NELL1: variants seen among roughly 807,000 people sequenced by gnomAD.
NELL1 encodes protein kinase C-binding protein NELL1.
In NELL1, 76 loss-of-function variants were observed where a neutral mutation model predicts 107.4. That is an observed-to-expected ratio of 0.71 (90% confidence interval 0.59 to 0.86). NELL1 has a LOEUF of 0.86. NELL1 is among the 40% of genes least tolerant of loss of function. The pLI, the probability that NELL1 is intolerant of heterozygous loss-of-function variation, is 0.00. For missense variants in NELL1, 1,024 were observed against 1,005.5 expected (o/e 1.02, Z -0.25); for synonymous variants, 353 against 341.2 (o/e 1.03, Z -0.38).
intron 13 of NELL1, among the ~76,000 whole-genome samples, chr11:21,226,901 TG>T (rs1857907751): frequency 6.6e-6 from 1 of 152,172 alleles, no homozygotes; most frequent in African/African-American, 2.4e-5. Context: ...GAGAGAGTAT[TG>T]TGGGTCAACG....
chr11:20,777,386 A>G (rs1856770879), intron 2 of NELL1, among the ~76,000 whole-genome samples: 1 of 152,298 alleles, frequency 6.6e-6, no homozygotes, highest in East Asian at 1.9e-4. Context: ...GGTTTAATGG[A>G]ATATTATTGT....
intron 12 of NELL1, among the ~76,000 whole-genome samples, chr11:21,071,535 A>G (rs766649427): frequency 3.3e-5 from 5 of 152,246 alleles, no homozygotes; most frequent in Non-Finnish European, 7.3e-5. Flanking sequence ...GTTTAAAATG[A>G]CATTTCCGAA....
At chr11:20,765,759 A>G (rs1856516500) in intron 2 of NELL1, among the ~76,000 whole-genome samples, 1 of 152,162 alleles carries the variant, frequency 6.6e-6, no homozygotes, top group Non-Finnish European at 1.5e-5. Flanking sequence ...TACATTGTGT[A>G]GAGTTTTGTT....
chr11:21,179,243 G>A (rs1181153023), intron 13 of NELL1, among the ~76,000 whole-genome samples: 24 of 151,918 alleles, frequency 1.6e-4, no homozygotes, highest in Admixed American at 1.6e-3. Context: ...AGTGAAGAGA[G>A]AATATTTTAG....
At chr11:21,478,364 C>T (rs1854402403) in intron 15 of NELL1, among the ~76,000 whole-genome samples, 2 of 152,140 alleles carry the variant, frequency 1.3e-5, no homozygotes, top group African/African-American at 2.4e-5. Context: ...TCCCAAATCT[C>T]ATGTCCTTTT....
intron 12 of NELL1, among the ~76,000 whole-genome samples, chr11:20,964,434 C>G (rs1005688351): frequency 1.8e-4 from 27 of 152,178 alleles, no homozygotes; most frequent in African/African-American, 6.3e-4. Flanking sequence ...AATGATAATA[C>G]CTTTTACTTG....
intron 15 of NELL1, among the ~76,000 whole-genome samples, chr11:21,449,876 C>T (rs2133856282): frequency 6.6e-6 from 1 of 152,278 alleles, no homozygotes; most frequent in Admixed American, 6.5e-5. Context: ...ATAAGTAAAT[C>T]TATTTCTGGA....
intron 2 of NELL1, among the ~76,000 whole-genome samples, chr11:20,766,628 A>G (rs985285451): frequency 6.6e-6 from 1 of 152,146 alleles, no homozygotes; most frequent in African/African-American, 2.4e-5. Context: ...TTTTGTCAAC[A>G]TGTACTTTGG....
At chr11:20,757,200 C>CAT (rs912515696) in intron 2 of NELL1, among the ~76,000 whole-genome samples, 26 of 150,758 alleles carry the variant, frequency 1.7e-4, no homozygotes, top group Middle Eastern at 3.4e-3. Flanking sequence ...ATTGTGATAC[C>CAT]ATATATATAT....
At position 21,104,422 on chromosome 11, in the gene NELL1, T is replaced by C. The variant is rs1036109573; in HGVS notation, c.1301-9167T>C. Among the ~76,000 whole-genome samples the C allele has an allele frequency of 6.6e-5, 10 of 152,296 alleles. No individual in the cohort carries two copies. In the East Asian group the frequency reaches 1.7e-3, roughly 26 times the overall value. ...CCAGGGGCACAAAAAGATATGTTAC[T>C]TTATGACAGTGTTTGATTCTGAAAT... On this transcript the variant is annotated intron_variant, in intron 12 of 19. Coordinates refer to ENST00000357134, the MANE Select transcript of NELL1 (RefSeq NM_006157.5).
chr11:20,782,456 G>A (rs974821949), intron 2 of NELL1, among the ~76,000 whole-genome samples: 1 of 152,152 alleles, frequency 6.6e-6, no homozygotes, highest in Admixed American at 6.5e-5. Flanking sequence ...ATTATAGAAG[G>A]CTAAGGTGGG....
chr11:21,340,620 T>TACACAC (rs71034506), intron 14 of NELL1, among the ~76,000 whole-genome samples: 5,540 of 141,738 alleles, frequency 0.039, 109 homozygotes, highest in Non-Finnish European at 0.047. Flanking sequence ...TATGACGGGT[T>TACACAC]ACACACACAC....
At chr11:21,140,345 T>C (rs1855838678) in intron 13 of NELL1, among the ~76,000 whole-genome samples, 1 of 152,244 alleles carries the variant, frequency 6.6e-6, no homozygotes, top group Non-Finnish European at 1.5e-5. Flanking sequence ...AAATTAATTA[T>C]GTATATTACA....
At chr11:21,426,741 A>C (rs79232795) in intron 15 of NELL1, among the ~76,000 whole-genome samples, 3,522 of 152,280 alleles carry the variant, frequency 0.023, 67 homozygotes, top group Middle Eastern at 0.099. Context: ...GTCAGAAAAA[A>C]ATGAGCTATT....
At chr11:21,490,193 T>A (rs146932377) in intron 15 of NELL1, among the ~76,000 whole-genome samples, 109 of 152,036 alleles carry the variant, frequency 7.2e-4, no homozygotes, top group African/African-American at 2.2e-3. Context: ...TTATTTACAA[T>A]AGCTCCAAAA....
At chr11:21,537,117 AAT>A (rs1215126171) in intron 16 of NELL1, among the ~76,000 whole-genome samples, 2 of 152,254 alleles carry the variant, frequency 1.3e-5, no homozygotes, top group East Asian at 3.9e-4. Context: ...AACATTTGTA[AAT>A]GATCCTTCAT....
Position 21,315,995 on chromosome 11 carries a change from A to G in NELL1, c.1550-54858A>G, listed in dbSNP as rs146749379. 3.3e-5 allele frequency among the ~76,000 whole-genome samples: 5 copies of G among 152,092 alleles called. No individual in the cohort carries two copies. In the East Asian group the frequency reaches 9.7e-4, roughly 29 times the overall value. Reference sequence around the variant, plus strand: ...AATATTACTTTTTACCTATTACTTTATATTCTTTCCATAAGTTTTCTTCTC... The same window carrying G: ...AATATTACTTTTTACCTATTACTTTGTATTCTTTCCATAAGTTTTCTTCTC... On this transcript the variant is annotated intron_variant, in intron 14 of 19. Transcript: ENST00000357134.
intron 2 of NELL1, among the ~76,000 whole-genome samples, chr11:20,698,423 A>G (rs1854679611): frequency 6.6e-6 from 1 of 152,184 alleles, no homozygotes; most frequent in Non-Finnish European, 1.5e-5. Context: ...AGAGATGGAG[A>G]GAGACAGCAG....
chr11:20,986,840 G>C (rs1438945601), intron 12 of NELL1, among the ~76,000 whole-genome samples: 2 of 151,976 alleles, frequency 1.3e-5, no homozygotes, highest in Non-Finnish European at 2.9e-5. Flanking sequence ...AAGAAAATTA[G>C]GGAATGCAGT....
Sources: gnomAD v4.1 joint callset for allele counts (sites outside exome capture counted in the v4.1 genomes callset) on GRCh38, gnomAD v4.1.1 for gene constraint, MANE v1.5 for transcripts, NCBI Gene and HGNC (gene_info 2026-07-23, HGNC 2026-07-21) for gene names.